The following MGAT5B variants were observed in gnomAD, a reference collection of about 807,000 sequenced individuals.
MGAT5B encodes the protein N-acetylglucosaminyl-transferase Vb.
Under a neutral mutation model 95.1 loss-of-function variants are expected in MGAT5B, and 54 were observed. The observed-to-expected ratio is 0.57, with a 90% CI of 0.46 to 0.71. MGAT5B has a LOEUF of 0.71. Ranked by LOEUF, MGAT5B falls within the 30% of genes least tolerant of loss-of-function variation. The pLI is 0.00. For missense variants in MGAT5B, 935 were observed against 1,088.6 expected, an observed-to-expected ratio of 0.86 and a Z score of 1.99; for synonymous variants, 464 against 451.0, an observed-to-expected ratio of 1.03 and a Z score of -0.36.
chr17:76,924,811 G>C (rs542287169), intron 8 of MGAT5B, among the ~76,000 whole-genome samples, 155 bp from the exon 9 acceptor site: 13 of 152,254 alleles, frequency 8.5e-5, no homozygotes. Flanking sequence ...AAAAACCTAC[G>C]TTACCGTACA....
chr17:76,920,418 C>T (rs8070697), intron 8 of MGAT5B, among the ~76,000 whole-genome samples: 480 of 152,236 alleles, frequency 3.2e-3, no homozygotes, highest in African/African-American at 0.011. Context: ...TGTCGGGGGA[C>T]GGCATTTTCA....
chr17:76,879,244 G>C (rs778078091), intron 2 of MGAT5B, among the ~76,000 whole-genome samples: 1 of 152,160 alleles, frequency 6.6e-6, no homozygotes, highest in Non-Finnish European at 1.5e-5. Flanking sequence ...TGGAGAGTGG[G>C]ACCAGTAGTG....
chr17:76,886,833 C>T (rs1311638803), intron 3 of MGAT5B, among the ~76,000 whole-genome samples: 1 of 152,128 alleles, frequency 6.6e-6, no homozygotes, highest in African/African-American at 2.4e-5. Context: ...CACTTGAGGT[C>T]AGGAGTTCGA....
At chr17:76,935,795 T>C (rs1428933235) in intron 12 of MGAT5B, among the ~76,000 whole-genome samples, 1 of 142,954 alleles carries the variant, frequency 7.0e-6, no homozygotes, top group Non-Finnish European at 1.5e-5. Context: ...TTTAAACATA[T>C]ATATATTATA....
rs1970163020 is a variant in MGAT5B at position 76,950,173 on chromosome 17, A to T, written c.*1335A>T. 6.6e-6 allele frequency: 1 copy of T among 152,570 alleles called. No homozygotes were observed. Among genetic ancestry groups the T allele is most frequent in the African/African-American group, 2.4e-5 (1 of 41,426 alleles). 9.5% of individuals were successfully genotyped at this position (152,570 alleles called of 1,614,324 possible). On this transcript the variant is annotated 3_prime_UTR_variant, in exon 18 of 18. Transcript: ENST00000569840. ...CGGGAGGCAGCCCCGGGATGCTGAG[A>T]GTTGGTGGAGGGGCCAGGCTGGACG...
Position 76,905,359 on chromosome 17 carries a change from G to C in MGAT5B, c.855+26G>C, listed in dbSNP as rs1436667715. 1 of 1,549,304 alleles carries C rather than the reference G, an allele frequency of 6.5e-7. No homozygotes were observed. Among genetic ancestry groups the C allele is most frequent in the East Asian group, 2.3e-5 (1 of 43,760 alleles). On this transcript the variant is annotated intron_variant, in intron 7 of 17. Coordinates refer to ENST00000569840, the MANE Select transcript of MGAT5B (RefSeq NM_001199172.2). This position sits in a 1 kb window ranked among gnomAD's most constrained non-coding sequence, Gnocchi z 4.2. The stretch of plus-strand genomic sequence containing the variant: ...GTGCGTGGCCCCTGCCCCCTCATGT[G>C]CAGGAGCTGAGAAAGCTCAGGGCCC...
intron 3 of MGAT5B, among the ~76,000 whole-genome samples, chr17:76,897,665 C>CTT (rs1409480450): frequency 2.0e-5 from 1 of 51,180 alleles, no homozygotes; most frequent in Non-Finnish European, 3.3e-5. Flanking sequence ...AGGCCACTTT[C>CTT]TTTCTTTCTT....
chr17:76,880,517 C>G (rs568279592), intron 2 of MGAT5B, among the ~76,000 whole-genome samples: 1 of 152,204 alleles, frequency 6.6e-6, no homozygotes, highest in Non-Finnish European at 1.5e-5. Flanking sequence ...GCCCCTGCTC[C>G]GCCCACTGCC....
intron 10 of MGAT5B, among the ~76,000 whole-genome samples, chr17:76,929,488 A>G (rs1468929263): frequency 6.6e-6 from 1 of 152,224 alleles, no homozygotes; most frequent in Non-Finnish European, 1.5e-5. Context: ...ACTCCGTTAA[A>G]GCATATGTTG....
Position 76,912,382 on chromosome 17 carries a change from C to T in MGAT5B, c.1025+6195C>T, listed in dbSNP as rs914667900. ...CCTGGGAGCCGTTCTGTGGGAGCAG[C>T]ACCAGGTTAATTTGAAAACAGGTCA... is the stretch of plus-strand genomic sequence containing the variant. On this transcript the variant is annotated intron_variant, in intron 8 of 17. Coordinates refer to ENST00000569840, the MANE Select transcript of MGAT5B (RefSeq NM_001199172.2). The surrounding 1 kb of genome is among the most constrained non-coding windows in gnomAD (Gnocchi z 5.0). 6.6e-5 allele frequency among the ~76,000 whole-genome samples: 10 copies of T among 152,142 alleles called. No homozygotes were observed. Among genetic ancestry groups the T allele is most frequent in the Non-Finnish European group, 1.5e-4 (10 of 68,010 alleles).
chr17:76,941,222 TGCA>T (rs1969854610), intron 15 of MGAT5B, among the ~76,000 whole-genome samples: 1 of 152,274 alleles, frequency 6.6e-6, no homozygotes, highest in South Asian at 2.1e-4. Context: ...GGTGTGGCTT[TGCA>T]GCCTTTACAC....
At chr17:76,932,238 T>C (rs973178639) in intron 10 of MGAT5B, among the ~76,000 whole-genome samples, 7 of 151,908 alleles carry the variant, frequency 4.6e-5, no homozygotes, top group Non-Finnish European at 1.5e-5. Flanking sequence ...GCTCAAGCGA[T>C]TCTCCCACCT....
intron 3 of MGAT5B, among the ~76,000 whole-genome samples, chr17:76,883,151 C>T (rs1387647105): frequency 6.6e-6 from 1 of 152,042 alleles, no homozygotes; most frequent in Admixed American, 6.6e-5. Flanking sequence ...GAGAGCACCA[C>T]CACGCCAGTT....
intron 12 of MGAT5B, among the ~76,000 whole-genome samples, chr17:76,937,513 G>A (rs979450580): frequency 9.2e-5 from 14 of 152,000 alleles, no homozygotes; most frequent in African/African-American, 3.4e-4. Context: ...ACAAATGGAT[G>A]GATGGATGGA....
At chr17:76,936,342 A>G (rs1428989356) in intron 12 of MGAT5B, among the ~76,000 whole-genome samples, 1 of 152,218 alleles carries the variant, frequency 6.6e-6, no homozygotes, top group African/African-American at 2.4e-5. Flanking sequence ...TGGGAGGCGG[A>G]GGTTGCAGTG....
At chr17:76,913,155 G>A (rs148366980) in intron 8 of MGAT5B, among the ~76,000 whole-genome samples, 245 of 152,336 alleles carry the variant, frequency 1.6e-3, no homozygotes, top group Non-Finnish European at 2.6e-3. Context: ...CAGCCAGGCT[G>A]GAAATCTGCC....
At position 76,906,256 on chromosome 17, in the gene MGAT5B, C is replaced by T. The variant is rs1968524754; in HGVS notation, c.1025+69C>T. On this transcript the variant is annotated intron_variant, in intron 8 of 17. Transcript: ENST00000569840. This position sits in a 1 kb window ranked among gnomAD's most constrained non-coding sequence, Gnocchi z 4.6. ...GGGATGAAGGGGAACCCCACCCCTC[C>T]CTCCCAGGGGCTGTGGGAGCACCTG... The T allele has an allele frequency of 6.8e-7, 1 of 1,470,620 alleles. No individual in the cohort carries two copies. The highest frequency in any genetic ancestry group is 9.0e-7 in the Non-Finnish European group (1 of 1,106,028). 91.1% of individuals were successfully genotyped at this position (1,470,620 alleles called of 1,614,324 possible).
intron 15 of MGAT5B, among the ~76,000 whole-genome samples, chr17:76,944,543 A>T (rs1182154978): frequency 6.6e-6 from 1 of 152,214 alleles, no homozygotes; most frequent in African/African-American, 2.4e-5. Flanking sequence ...TTCTTGGGCC[A>T]TCGGCTCGGG....
Position 76,869,644 on chromosome 17 carries a change from G to C in MGAT5B, c.68+547G>C, listed in dbSNP as rs1966922476. Among the ~76,000 whole-genome samples, 1 of 152,204 alleles carries C rather than the reference G, an allele frequency of 6.6e-6. No homozygotes were observed. The highest frequency in any genetic ancestry group is 2.4e-5 in the African/African-American group (1 of 41,458). ...GGCCTGGCTCCGACGAGAGGGTCCC[G>C]AGATTAGAGCGAGGACTCGCTCATC... is the stretch of plus-strand genomic sequence containing the variant. On this transcript the variant is annotated intron_variant, in intron 1 of 17. Transcript: ENST00000569840. This position sits in a 1 kb window ranked among gnomAD's most constrained non-coding sequence, Gnocchi z 7.0.
Sources: gnomAD v4.1 joint callset for allele counts (sites outside exome capture counted in the v4.1 genomes callset) on GRCh38, gnomAD v4.1.1 for gene constraint, Gnocchi (gnomAD v3.1) non-coding constraint, MANE v1.5 for transcripts, NCBI Gene and HGNC (gene_info 2026-07-23, HGNC 2026-07-21) for gene names.